Variants in USP25 observed in about 807,000 individuals in gnomAD.
USP25 encodes ubiquitin carboxyl-terminal hydrolase 25.
A neutral mutation model predicts 158.5 loss-of-function variants in USP25; 85 were observed. That is an observed-to-expected ratio of 0.54 (90% CI 0.45 to 0.64). USP25 has a LOEUF of 0.64. Ranked by LOEUF, USP25 falls within the 30% of genes least tolerant of loss-of-function variation. The pLI is 0.00. For missense variants in USP25, 1,242 were observed against 1,327.3 expected (o/e 0.94, Z 1.00); for synonymous variants, 464 against 460.4 (o/e 1.01, Z -0.10).
chr21:15,861,853 A>T (rs866235838), intron 20 of USP25, among the ~76,000 whole-genome samples: 6 of 152,154 alleles, frequency 3.9e-5, no homozygotes, highest in Non-Finnish European at 5.9e-5. Flanking sequence ...CTAGAAATTT[A>T]GAAGTGTCTT....
At chr21:15,846,158 A>ACAT (rs2038601686) in intron 18 of USP25, among the ~76,000 whole-genome samples, 1 of 23,942 alleles carries the variant, frequency 4.2e-5, no homozygotes, top group African/African-American at 1.7e-4. Context: ...ATATATATAT[A>ACAT]TTTTTTTTTT....
intron 20 of USP25, among the ~76,000 whole-genome samples, chr21:15,850,617 T>A (rs1356092472): frequency 6.6e-6 from 1 of 151,936 alleles, no homozygotes. Flanking sequence ...TTTTTTGAGG[T>A]CCAGTTTGCT....
intron 17 of USP25, among the ~76,000 whole-genome samples, chr21:15,839,867 C>T (rs1601090043): frequency 6.6e-6 from 1 of 152,052 alleles, no homozygotes; most frequent in Non-Finnish European, 1.5e-5. Flanking sequence ...TATCCTTCAT[C>T]TTAAAAATGT....
chr21:15,800,839 ACATTTATAATG>A (rs1464548146), intron 6 of USP25, among the ~76,000 whole-genome samples: 11 of 151,572 alleles, frequency 7.3e-5, no homozygotes, highest in Non-Finnish European at 1.3e-4. Context: ...AACACGTGAA[ACATTTATAATG>A]CATGCTAGTG....
chr21:15,789,475 A>G (rs2035473425), intron 4 of USP25, among the ~76,000 whole-genome samples: 1 of 152,138 alleles, frequency 6.6e-6, no homozygotes, highest in South Asian at 2.1e-4. Flanking sequence ...TGTTATAATT[A>G]GTAGTTAAAT....
chr21:15,730,491 C>A, intron 1 of USP25, 53 bp downstream of exon 1: 2 of 1,307,696 alleles, frequency 1.5e-6, no homozygotes, highest in South Asian at 2.1e-5. Flanking sequence ...GACGGGCTGT[C>A]CTCTCCCGCT....
intron 4 of USP25, among the ~76,000 whole-genome samples, chr21:15,781,799 T>A (rs2034980565): frequency 6.6e-6 from 1 of 151,918 alleles, no homozygotes; most frequent in African/African-American, 2.4e-5. Context: ...TACAAGAGAG[T>A]TCCCCAGTCC....
At chr21:15,789,977 T>A (rs2035503574) in intron 4 of USP25, among the ~76,000 whole-genome samples, 1 of 152,058 alleles carries the variant, frequency 6.6e-6, no homozygotes, top group African/African-American at 2.4e-5. Context: ...TTATTATTAT[T>A]CTGCTGAACT....
chr21:15,785,049 G>T (rs567422565), intron 4 of USP25, among the ~76,000 whole-genome samples: 2 of 150,570 alleles, frequency 1.3e-5, no homozygotes, highest in East Asian at 3.9e-4. Flanking sequence ...GACTGAAAGT[G>T]AAGGAATGGA....
intron 1 of USP25, among the ~76,000 whole-genome samples, chr21:15,757,845 T>A (rs374825085): frequency 6.6e-6 from 1 of 152,304 alleles, no homozygotes; most frequent in East Asian, 1.9e-4. Context: ...AATACAGGGA[T>A]GGGAGAATTG....
chr21:15,854,687 C>T (rs17307204), intron 20 of USP25, among the ~76,000 whole-genome samples: 11,419 of 152,144 alleles, frequency 0.075, 505 homozygotes, highest in East Asian at 0.099. Context: ...AAACTTAGGT[C>T]TGAGTAAGTG....
At position 15,831,555 on chromosome 21, in the gene USP25, C is replaced by T; in HGVS notation, c.1919C>T (p.Ser640Phe). The change falls in exon 16 of 26, where the codon TCT becomes TTT. Residue 640 changes from serine to phenylalanine, a missense_variant. By Grantham distance (155) the Ser-to-Phe change is radical. Around this residue, in one of 3 missense-constraint regions of USP25, gnomAD observed 608 missense variants for 605.2 expected, o/e 1.00. Transcript: ENST00000400183. ...TCATGGGAAGAGCTAGTGAGGGACT[C>T]TTTTGGTGGTTATAGAAATGCCAGT... ...KSSWEELVRD[S>F]FGGYRNASAY... is the part of the protein sequence containing the mutation. 2 of 1,613,928 alleles carry T rather than the reference C, an allele frequency of 1.2e-6. No homozygotes were observed. The highest frequency in any genetic ancestry group is 8.5e-7 in the Non-Finnish European group (1 of 1,179,940).
intron 22 of USP25, among the ~76,000 whole-genome samples, chr21:15,867,849 A>G (rs964382103): frequency 6.6e-6 from 1 of 152,168 alleles, no homozygotes; most frequent in Admixed American, 6.5e-5. Flanking sequence ...ATTGGGAGAC[A>G]TTAACAAAGA....
At chr21:15,809,388 G>A (rs2036545620) in intron 8 of USP25, among the ~76,000 whole-genome samples, 1 of 152,050 alleles carries the variant, frequency 6.6e-6, no homozygotes, top group African/African-American at 2.4e-5. Flanking sequence ...TTGTTGGGCA[G>A]AGCTATGTGG....
At chr21:15,808,202 A>G (rs562897497) in intron 7 of USP25, among the ~76,000 whole-genome samples, 19 of 152,276 alleles carry the variant, frequency 1.2e-4, no homozygotes, top group African/African-American at 4.6e-4. Context: ...TTATTGAAAG[A>G]ATTATGGTAG....
chr21:15,797,505 C>A (rs943280847), intron 5 of USP25, among the ~76,000 whole-genome samples: 1 of 151,144 alleles, frequency 6.6e-6, no homozygotes. Context: ...AACTGGCCAT[C>A]TTGAATTTTA....
intron 20 of USP25, among the ~76,000 whole-genome samples, chr21:15,850,270 T>C (rs2038825075): frequency 6.6e-6 from 1 of 152,046 alleles, no homozygotes; most frequent in African/African-American, 2.4e-5. Context: ...ATTCTTTAAT[T>C]TTATTATCAT....
intron 4 of USP25, among the ~76,000 whole-genome samples, chr21:15,790,646 G>GTTTCTT (rs1379164088): frequency 9.2e-5 from 13 of 141,990 alleles, no homozygotes; most frequent in African/African-American, 2.8e-4. Context: ...TAAGTAACAA[G>GTTTCTT]TTTCTTTTTT....
chr21:15,827,142 A>C lies in USP25; in HGVS notation c.1632A>C (p.Glu544Asp). ...CACCAAGGCACATAACGGAGGAAGA[A>C]CTTTCTGTGCTGGAAAGTTGTTTAC... ...HPAPRHITEEELSVLESCLHR... is the reference protein window; with the variant it reads ...HPAPRHITEEDLSVLESCLHR... The change falls in exon 14 of 26, where the codon GAA (glutamate) becomes GAC (aspartate). Residue 544 changes from glutamate to aspartate, a missense_variant. Glu to Asp is a conservative substitution (Grantham distance 45). Coordinates refer to ENST00000400183, the MANE Select transcript of USP25 (RefSeq NM_001283041.3). 6.2e-7 allele frequency: 1 copy of C among 1,614,210 alleles called. No individual in the cohort carries two copies. Among genetic ancestry groups the C allele is most frequent in the Non-Finnish European group, 8.5e-7 (1 of 1,180,024 alleles).
Sources: allele counts gnomAD v4.1 joint callset (sites outside exome capture counted in the v4.1 genomes callset), GRCh38; gene constraint gnomAD v4.1.1; regional missense constraint gnomAD v4.1.1; transcripts MANE v1.5; gene names NCBI Gene and HGNC (gene_info 2026-07-23, HGNC 2026-07-21).